The following CCDC85A variants were observed in gnomAD, a reference collection of about 807,000 sequenced individuals.
The protein encoded by CCDC85A is coiled-coil domain-containing protein 85A.
CCDC85A carries 38 observed loss-of-function variants against 50.2 expected under a neutral mutation model. That is an observed-to-expected ratio of 0.76 (90% CI 0.58 to 0.99). The LOEUF is 0.99. CCDC85A is among the 50% of genes least tolerant of loss of function. The pLI is 0.00. For synonymous variants in CCDC85A, 366 were observed against 301.4 expected (o/e 1.21, Z -2.22); for missense variants, 820 against 742.0 (o/e 1.11, Z -1.22).
chr2:56,275,246 C>CA (rs141785853), intron 2 of CCDC85A, among the ~76,000 whole-genome samples: 3,099 of 152,256 alleles, frequency 0.02, 111 homozygotes, highest in African/African-American at 0.071. Flanking sequence ...AATGTATCCC[C>CA]AGCTACATGG....
At chr2:56,343,301 A>G (rs1050020849) in intron 3 of CCDC85A, among the ~76,000 whole-genome samples, 1 of 152,222 alleles carries the variant, frequency 6.6e-6, no homozygotes, top group Non-Finnish European at 1.5e-5. Context: ...AGGGAAGGTA[A>G]TCTTATTTAA....
At chr2:56,323,983 A>G (rs1305195490) in intron 2 of CCDC85A, among the ~76,000 whole-genome samples, 2 of 152,208 alleles carry the variant, frequency 1.3e-5, no homozygotes, top group East Asian at 3.9e-4. Context: ...AAAGATATAT[A>G]CGTTTATAAA....
chr2:56,192,080 G>A lies in CCDC85A; in HGVS notation c.277-397G>A, dbSNP rs567416148. On this transcript the variant is annotated intron_variant, in intron 1 of 5. Transcript: ENST00000407595. This position sits in a 1 kb window ranked among gnomAD's most constrained non-coding sequence, Gnocchi z 4.7. ...GGACAAGTGAAGCTTTGTGAGGTCC[G>A]ATTTCCTCTTCTGTATAAGAGCCAT... is the stretch of plus-strand genomic sequence containing the variant. Among the ~76,000 whole-genome samples the A allele has an allele frequency of 7.9e-5, 12 of 152,204 alleles. No individual in the cohort carries two copies. In the South Asian group the frequency reaches 2.3e-3, roughly 29 times the overall value.
intron 2 of CCDC85A, among the ~76,000 whole-genome samples, chr2:56,322,456 A>G (rs572997950): frequency 6.6e-6 from 1 of 152,342 alleles, no homozygotes; most frequent in South Asian, 2.1e-4. Context: ...AGAAAAAATC[A>G]AACAACCCCA....
chr2:56,348,176 T>C (rs1318318920), intron 3 of CCDC85A, among the ~76,000 whole-genome samples: 1 of 152,180 alleles, frequency 6.6e-6, no homozygotes, highest in African/African-American at 2.4e-5. Flanking sequence ...AAAGTCCTAT[T>C]AGGAAATTTG....
At chr2:56,204,632 G>A (rs879306623) in intron 2 of CCDC85A, among the ~76,000 whole-genome samples, 4 of 152,142 alleles carry the variant, frequency 2.6e-5, no homozygotes, top group African/African-American at 9.7e-5. Context: ...CTCCCTACCT[G>A]CCACTCACCT....
At chr2:56,379,248 C>T (rs939443668) in intron 5 of CCDC85A, among the ~76,000 whole-genome samples, 1 of 152,160 alleles carries the variant, frequency 6.6e-6, no homozygotes, top group African/African-American at 2.4e-5. Flanking sequence ...CATGTCCAGG[C>T]AAGAACTGCG....
intron 5 of CCDC85A, among the ~76,000 whole-genome samples, chr2:56,382,503 T>C (rs567685383): frequency 6.6e-5 from 10 of 152,122 alleles, no homozygotes; most frequent in African/African-American, 2.2e-4. Flanking sequence ...TAAGAAATAG[T>C]AAATCTGCCT....
chr2:56,184,973 C>T, intron 1 of CCDC85A, 73 bp downstream of exon 1: 1 of 1,421,954 alleles, frequency 7.0e-7, no homozygotes, highest in Non-Finnish European at 9.2e-7. Context: ...CGGGGCCAGG[C>T]AAACTTTCCC....
intron 2 of CCDC85A, among the ~76,000 whole-genome samples, chr2:56,316,370 A>G (rs769517033): frequency 2.2e-4 from 33 of 152,136 alleles, no homozygotes; most frequent in Non-Finnish European, 4.7e-4. Context: ...ACAAAACCTC[A>G]GAATGTTCTG....
At chr2:56,352,759 A>G (rs1675019249) in intron 3 of CCDC85A, among the ~76,000 whole-genome samples, 1 of 152,242 alleles carries the variant, frequency 6.6e-6, no homozygotes, top group African/African-American at 2.4e-5. Flanking sequence ...TCTGATAGTA[A>G]TTCGGAGAGG....
chr2:56,328,358 C>CTAAG (rs1206034236), intron 2 of CCDC85A, among the ~76,000 whole-genome samples: 2 of 152,108 alleles, frequency 1.3e-5, no homozygotes, highest in Non-Finnish European at 2.9e-5. Context: ...GCTCAGCTTT[C>CTAAG]TAAGGTTCAA....
intron 3 of CCDC85A, among the ~76,000 whole-genome samples, chr2:56,364,775 G>A (rs187192445): frequency 3.9e-4 from 60 of 152,258 alleles, no homozygotes; most frequent in African/African-American, 1.3e-3. Context: ...AGTTCATAGG[G>A]TCTTGCCCTC....
At chr2:56,188,341 T>C (rs752159343) in intron 1 of CCDC85A, among the ~76,000 whole-genome samples, 4 of 152,192 alleles carry the variant, frequency 2.6e-5, no homozygotes, top group Non-Finnish European at 5.9e-5. Context: ...AACTGTGATA[T>C]AGAAATGGGA....
chr2:56,355,554 C>T lies in CCDC85A; in HGVS notation c.1317+12599C>T, dbSNP rs187854274. On this transcript the variant is annotated intron_variant, in intron 3 of 5. Coordinates refer to ENST00000407595, the MANE Select transcript of CCDC85A (RefSeq NM_001080433.2). The stretch of plus-strand genomic sequence containing the variant: ...TCTTTCAGAATTTTTTTTCTCTTTA[C>T]GATTTTTGTAACTCATATAGGTTAG... Among the ~76,000 whole-genome samples the T allele has an allele frequency of 1.2e-4, 18 of 152,086 alleles. No individual in the cohort carries two copies. In the East Asian group the frequency reaches 1.5e-3, roughly 13 times the overall value.
intron 2 of CCDC85A, among the ~76,000 whole-genome samples, chr2:56,229,043 T>C (rs1268764861): frequency 2.0e-5 from 3 of 152,212 alleles, no homozygotes; most frequent in Admixed American, 6.5e-5. Flanking sequence ...TTTGAACTTC[T>C]GCTGGCTTTT....
intron 3 of CCDC85A, among the ~76,000 whole-genome samples, chr2:56,356,211 T>C (rs1675217828): frequency 6.6e-6 from 1 of 152,236 alleles, no homozygotes; most frequent in Non-Finnish European, 1.5e-5. Context: ...CTAGCAAGTA[T>C]TGAGTGCCAA....
At chr2:56,329,945 GTTTTTTTTTTTTTTTTT>G (rs535050957) in intron 2 of CCDC85A, among the ~76,000 whole-genome samples, 836 of 44,190 alleles carry the variant, frequency 0.019, 39 homozygotes, top group Middle Eastern at 0.048. Flanking sequence ...CAGATTTCCT[GTTTTTTTTTTTTTTTTT>G]TTTTTTTTTT....
At chr2:56,309,885 T>A (rs1467902751) in intron 2 of CCDC85A, among the ~76,000 whole-genome samples, 1 of 152,178 alleles carries the variant, frequency 6.6e-6, no homozygotes, top group Non-Finnish European at 1.5e-5. Context: ...AGACTTTTTA[T>A]GGCTGCATCT....
Sources: gnomAD v4.1 joint callset for allele counts (sites outside exome capture counted in the v4.1 genomes callset) on GRCh38, gnomAD v4.1.1 for gene constraint, Gnocchi (gnomAD v3.1) non-coding constraint, MANE v1.5 for transcripts, NCBI Gene and HGNC (gene_info 2026-07-23, HGNC 2026-07-21) for gene names.